Variants in RARB observed in about 807,000 individuals in gnomAD.
The protein encoded by RARB is HBV-activated protein.
Under a neutral mutation model 51.9 loss-of-function variants are expected in RARB, and 17 were observed. That is an observed-to-expected ratio of 0.33 (90% CI 0.22 to 0.49). The LOEUF (loss-of-function observed/expected upper bound fraction) is 0.49, where lower values mean the gene tolerates loss of function less well. Ranked by LOEUF, RARB falls within the 20% of genes least tolerant of loss-of-function variation. The probability of loss-of-function intolerance (pLI) is 0.99; values close to 1 mark genes in which losing one functional copy is unlikely to be tolerated. For missense variants in RARB, 369 were observed against 550.8 expected (o/e 0.67, Z 3.30); for synonymous variants, 215 against 195.4 (o/e 1.10, Z -0.84).
intron 5 of RARB, among the ~76,000 whole-genome samples, chr3:25,370,837 C>T (rs1706276406): frequency 6.6e-6 from 1 of 152,200 alleles, no homozygotes; most frequent in Admixed American, 6.5e-5. Flanking sequence ...AGCCAAAAAA[C>T]CTAAATCCAG....
chr3:25,523,037 G>A (rs1483006852), intron 3 of RARB, among the ~76,000 whole-genome samples: 1 of 152,190 alleles, frequency 6.6e-6, no homozygotes, highest in Non-Finnish European at 1.5e-5. Flanking sequence ...ACAACTATGT[G>A]TTTATTGTAA....
chr3:25,253,239 T>C (rs565003756), intron 5 of RARB, among the ~76,000 whole-genome samples: 1 of 152,190 alleles, frequency 6.6e-6, no homozygotes, highest in Non-Finnish European at 1.5e-5. Context: ...ATGTGTTTTT[T>C]TATTCTATTC....
At chr3:25,132,770 C>G (rs1023619503) in intron 4 of RARB, among the ~76,000 whole-genome samples, 2 of 151,808 alleles carry the variant, frequency 1.3e-5, no homozygotes, top group African/African-American at 2.4e-5. Flanking sequence ...GTGATAAATG[C>G]ATTAATTAGC....
chr3:25,344,317 G>A (rs573503025), intron 5 of RARB, among the ~76,000 whole-genome samples: 2 of 152,074 alleles, frequency 1.3e-5, no homozygotes, highest in Admixed American at 1.3e-4. Flanking sequence ...TTTGTCTGAG[G>A]TCCCTGAGAA....
At chr3:25,462,575 G>A (rs1372461681) in intron 2 of RARB, 1 of 152,182 alleles carries the variant, frequency 6.6e-6, no homozygotes, top group Admixed American at 6.5e-5. Context: ...GTATATATTG[G>A]TCAGGCACTG....
chr3:24,988,820 T>TTTTA (rs1224598881), intron 2 of RARB, among the ~76,000 whole-genome samples: 1 of 152,096 alleles, frequency 6.6e-6, no homozygotes, highest in East Asian at 1.9e-4. Context: ...TTGTTATTAT[T>TTTTA]TTTATTTATT....
intron 4 of RARB, among the ~76,000 whole-genome samples, chr3:25,168,908 C>T (rs974781366): frequency 6.6e-6 from 1 of 152,046 alleles, no homozygotes; most frequent in South Asian, 2.1e-4. Context: ...CACAATGAAG[C>T]AGGGAAAGGG....
At chr3:25,386,598 A>G (rs1706801137) in intron 5 of RARB, among the ~76,000 whole-genome samples, 1 of 152,200 alleles carries the variant, frequency 6.6e-6, no homozygotes, top group South Asian at 2.1e-4. Flanking sequence ...GGGCCTTCAT[A>G]TAGGGCTTCT....
rs116480691 is a variant in RARB, at chr3:24,988,773, C to A, written c.-379-71352C>A. Among the ~76,000 whole-genome samples the A allele has an allele frequency of 6.0e-3, 907 of 152,236 alleles. 13 individuals are homozygous for A. Among genetic ancestry groups the A allele is most frequent in the Middle Eastern group, 0.024 (7 of 294 alleles). On this transcript the variant is annotated intron_variant, in intron 2 of 11. Transcript: ENST00000383772. ...AGTGATCTGTTATGTGACATTACAA[C>A]AATTTATCCATTCTCCTATTGATGG...
intron 5 of RARB, among the ~76,000 whole-genome samples, chr3:25,376,648 C>T (rs1283554479): frequency 6.6e-6 from 1 of 152,244 alleles, no homozygotes; most frequent in Non-Finnish European, 1.5e-5. Flanking sequence ...GTAAACCACA[C>T]TGTTTCTTTT....
intron 5 of RARB, among the ~76,000 whole-genome samples, chr3:25,244,737 T>C (rs1228440347): frequency 2.0e-5 from 3 of 152,172 alleles, no homozygotes; most frequent in Non-Finnish European, 2.9e-5. Context: ...TCCAATTATG[T>C]GGTCGATTTT....
At position 25,341,979 on chromosome 3, in the gene RARB, AAC is replaced by A. The variant is rs1316240677; in HGVS notation, c.179-119212_179-119211del. Among the ~76,000 whole-genome samples the A allele has an allele frequency of 5.3e-5, 8 of 152,294 alleles. No homozygotes were observed. In the South Asian group the frequency reaches 1.7e-3, roughly 32 times the overall value. On this transcript the variant is annotated intron_variant, in intron 5 of 11. Transcript: ENST00000383772. ...ACATTGTATCTGTCTCTTCCACTAA[AAC>A]AACACTTCGTAGAAGAAGAAATGTA...
At chr3:25,326,824 A>G (rs886097380) in intron 5 of RARB, among the ~76,000 whole-genome samples, 4 of 104,602 alleles carry the variant, frequency 3.8e-5, no homozygotes, top group Admixed American at 3.6e-4. Flanking sequence ...AAAAAGACAC[A>G]GGGATTTTTT....
chr3:25,094,794 G>A (rs1369864528), intron 3 of RARB, among the ~76,000 whole-genome samples: 1 of 145,560 alleles, frequency 6.9e-6, no homozygotes, highest in Admixed American at 6.9e-5. Flanking sequence ...GGACTACTCA[G>A]AATCAGAGTT....
intron 2 of RARB, among the ~76,000 whole-genome samples, chr3:24,976,699 A>G (rs2125421913): frequency 6.6e-6 from 1 of 152,162 alleles, no homozygotes; most frequent in African/African-American, 2.4e-5. Context: ...ATTTTCTGTC[A>G]TTCTGTAGGT....
intron 5 of RARB, among the ~76,000 whole-genome samples, chr3:25,345,415 C>T (rs922898461): frequency 1.7e-4 from 26 of 151,962 alleles, no homozygotes; most frequent in African/African-American, 6.3e-4. Flanking sequence ...GCCTGTAATC[C>T]CAGCACTTTG....
intron 1 of RARB, 133 bp from the exon 2 acceptor site, chr3:25,461,060 T>C (rs1325722418): frequency 9.8e-7 from 1 of 1,021,162 alleles, no homozygotes; most frequent in Admixed American, 3.0e-5. Flanking sequence ...CAATGACAGC[T>C]GTTTTTATGA....
At chr3:24,853,637 G>A (rs1702592752) in intron 1 of RARB, among the ~76,000 whole-genome samples, 1 of 152,030 alleles carries the variant, frequency 6.6e-6, no homozygotes, top group African/African-American at 2.4e-5. Flanking sequence ...GATTCCACAT[G>A]AGTAAAAAGA....
At chr3:25,487,130 C>G (rs1559428887) in intron 2 of RARB, among the ~76,000 whole-genome samples, 1 of 152,168 alleles carries the variant, frequency 6.6e-6, no homozygotes, top group Non-Finnish European at 1.5e-5. Context: ...AGTCAGCTAA[C>G]AGCTTCCTTA....
Sources: allele counts gnomAD v4.1 joint callset (sites outside exome capture counted in the v4.1 genomes callset), GRCh38; gene constraint gnomAD v4.1.1; transcripts MANE v1.5; gene names NCBI Gene and HGNC (gene_info 2026-07-23, HGNC 2026-07-21).